Variants in PMFBP1 observed in about 807,000 individuals in gnomAD.
PMFBP1 encodes the protein polyamine-modulated factor 1-binding protein 1.
A neutral mutation model predicts 137.8 loss-of-function variants in PMFBP1; 131 were observed. The observed-to-expected ratio is 0.95, with a 90% confidence interval of 0.82 to 1.10. The LOEUF (loss-of-function observed/expected upper bound fraction) is 1.10, where lower values mean the gene tolerates loss of function less well. Among genes scored for constraint, PMFBP1 ranks in the 50% least tolerant of loss-of-function variants. The pLI, the probability that PMFBP1 is intolerant of heterozygous loss-of-function variation, is 0.00. For missense variants in PMFBP1, 1,199 were observed against 1,175.4 expected (o/e 1.02, Z -0.29); for synonymous variants, 490 against 450.4 (o/e 1.09, Z -1.11).
chr16:72,188,455 C>T, the PMFBP1 span, among the ~76,000 whole-genome samples: 17 of 152,312 alleles, frequency 1.1e-4, no homozygotes, highest in African/African-American at 3.8e-4. Flanking sequence ...GGATTGAGCG[C>T]ATTACTTGGG....
At chr16:72,145,688 T>A (rs1054914257) in intron 5 of PMFBP1, among the ~76,000 whole-genome samples, 2 of 152,092 alleles carry the variant, frequency 1.3e-5, no homozygotes, top group African/African-American at 4.8e-5. Context: ...TAAAAAATGA[T>A]AAGGGGGACA....
At chr16:72,200,315 A>T in the PMFBP1 span, among the ~76,000 whole-genome samples, 1 of 152,276 alleles carries the variant, frequency 6.6e-6, no homozygotes, top group Non-Finnish European at 1.5e-5. Context: ...GAAACAGATT[A>T]TATTTTCTAA....
Position 72,148,943 on chromosome 16 carries a change from G to A in PMFBP1, c.636+1665C>T, listed in dbSNP as rs142592078. Among the ~76,000 whole-genome samples, 459 of 152,320 alleles carry A rather than the reference G, an allele frequency of 3.0e-3. 5 individuals are homozygous for A. Among genetic ancestry groups the A allele is most frequent in the African/African-American group, 0.01 (434 of 41,578 alleles). ...CTGATGATGACATGGAGGCTTAAAG[G>A]CCAGCTCCCTTCCCTTCAATTTAGC... On this transcript the variant is annotated intron_variant, in intron 5 of 20. Coordinates refer to ENST00000237353, the MANE Select transcript of PMFBP1 (RefSeq NM_031293.3).
chr16:72,140,805 A>T (rs1254473577), intron 5 of PMFBP1, among the ~76,000 whole-genome samples: 2 of 152,140 alleles, frequency 1.3e-5, no homozygotes, highest in Non-Finnish European at 2.9e-5. Context: ...GTCTTCCTCC[A>T]TCCTAACTAT....
chr16:72,249,919 GCAAAAAAAA>G, the PMFBP1 span, among the ~76,000 whole-genome samples: 1 of 25,768 alleles, frequency 3.9e-5, no homozygotes, highest in African/African-American at 3.1e-4. Flanking sequence ...AGACTCCATC[GCAAAAAAAA>G]AAAAAAAAAA....
the PMFBP1 span, among the ~76,000 whole-genome samples, chr16:72,197,707 A>T: frequency 6.6e-6 from 1 of 152,128 alleles, no homozygotes; most frequent in Non-Finnish European, 1.5e-5. Flanking sequence ...GTGGCTGAGG[A>T]GAGAGTGCAG....
At chr16:72,187,656 G>A in the PMFBP1 span, among the ~76,000 whole-genome samples, 2 of 152,180 alleles carry the variant, frequency 1.3e-5, no homozygotes, top group African/African-American at 4.8e-5. Flanking sequence ...CACTGCTATT[G>A]TTATGTTGGA....
chr16:72,161,931 A>G (rs1158399816), intron 3 of PMFBP1, among the ~76,000 whole-genome samples: 1 of 152,234 alleles, frequency 6.6e-6, no homozygotes, highest in Non-Finnish European at 1.5e-5. Context: ...CACAGGAATC[A>G]AACTTGCCTT....
At chr16:72,246,796 C>T in the PMFBP1 span, among the ~76,000 whole-genome samples, 1 of 151,992 alleles carries the variant, frequency 6.6e-6, no homozygotes, top group Non-Finnish European at 1.5e-5. Flanking sequence ...TCTTCAGTGC[C>T]TAGCAAAGGG....
At chr16:72,174,453 T>C (rs1477254610), upstream of PMFBP1, among the ~76,000 whole-genome samples, 3 of 152,198 alleles carry the variant, frequency 2.0e-5, no homozygotes, top group African/African-American at 7.2e-5. Flanking sequence ...GTTTGGATCC[T>C]GGCACCAGGG....
At chr16:72,201,154 C>G in the PMFBP1 span, among the ~76,000 whole-genome samples, 10 of 152,294 alleles carry the variant, frequency 6.6e-5, 1 homozygote, top group East Asian at 1.9e-4. Context: ...GCTCTTCCCC[C>G]CTCCCCCAGC....
the PMFBP1 span, among the ~76,000 whole-genome samples, chr16:72,202,996 A>G: frequency 6.6e-6 from 1 of 152,096 alleles, no homozygotes; most frequent in African/African-American, 2.4e-5. Flanking sequence ...GGTATTTTTC[A>G]GACTTGGAAA....
At chr16:72,187,381 G>C in the PMFBP1 span, among the ~76,000 whole-genome samples, 1 of 152,214 alleles carries the variant, frequency 6.6e-6, no homozygotes, top group African/African-American at 2.4e-5. Flanking sequence ...ATAGGGATGG[G>C]GAAGCTTTTT....
the PMFBP1 span, among the ~76,000 whole-genome samples, chr16:72,227,086 T>C: frequency 1.3e-5 from 2 of 152,012 alleles, no homozygotes; most frequent in African/African-American, 4.8e-5. Flanking sequence ...CTGATTTCAT[T>C]TGTAGAAAAA....
At chr16:72,181,036 C>A (rs112354815), upstream of PMFBP1, among the ~76,000 whole-genome samples, 5,640 of 152,052 alleles carry the variant, frequency 0.037, 144 homozygotes, top group Non-Finnish European at 0.055. Context: ...GTCAAGAGAT[C>A]GAGACCATCC....
chr16:72,187,471 A>G, the PMFBP1 span, among the ~76,000 whole-genome samples: 1 of 152,196 alleles, frequency 6.6e-6, no homozygotes, highest in Non-Finnish European at 1.5e-5. Flanking sequence ...TTTGCCAAAC[A>G]CTTCACTTGT....
chr16:72,213,436 G>C, the PMFBP1 span, among the ~76,000 whole-genome samples: 1 of 152,206 alleles, frequency 6.6e-6, no homozygotes, highest in East Asian at 1.9e-4. Flanking sequence ...CAGCCGTCAA[G>C]TTGTGAGCTG....
At chr16:72,125,188 C>G (rs375234116) in intron 16 of PMFBP1, 50 bp downstream of exon 16, 80 of 1,583,790 alleles carry the variant, frequency 5.1e-5, no homozygotes, top group Non-Finnish European at 6.0e-5. Flanking sequence ...AAGAGGTGAC[C>G]TTGTGGACCC....
intron 5 of PMFBP1, among the ~76,000 whole-genome samples, chr16:72,143,681 T>C (rs1340108109): frequency 6.6e-6 from 1 of 151,906 alleles, no homozygotes; most frequent in African/African-American, 2.4e-5. Context: ...AGGCGGAGGT[T>C]GCAGTGAGCA....
Sources: gnomAD v4.1 joint callset for allele counts (sites outside exome capture counted in the v4.1 genomes callset) on GRCh38, gnomAD v4.1.1 for gene constraint, MANE v1.5 for transcripts, NCBI Gene and HGNC (gene_info 2026-07-23, HGNC 2026-07-21) for gene names.